DENND1A: variants seen among roughly 807,000 people sequenced by gnomAD.
The protein encoded by DENND1A is DENN domain containing 1A.
In DENND1A, 51 loss-of-function variants were observed where a neutral mutation model predicts 113.7. The ratio of observed to expected loss-of-function variants is 0.45; its 90% CI spans 0.36 to 0.57. The LOEUF (loss-of-function observed/expected upper bound fraction) is 0.57, where lower values mean the gene tolerates loss of function less well. Ranked by LOEUF, DENND1A falls within the 20% of genes least tolerant of loss-of-function variation. The probability of loss-of-function intolerance (pLI) is 0.00; values close to 1 mark genes in which losing one functional copy is unlikely to be tolerated. For missense variants in DENND1A, 1,258 were observed against 1,395.9 expected, an observed-to-expected ratio of 0.90 and a Z score of 1.57; for synonymous variants, 565 against 570.8, an observed-to-expected ratio of 0.99 and a Z score of 0.14.
At chr9:123,564,708 T>C (rs2057951145) in intron 12 of DENND1A, among the ~76,000 whole-genome samples, 1 of 152,276 alleles carries the variant, frequency 6.6e-6, no homozygotes. Context: ...CTGGTGTGAC[T>C]GAGAAGCTGA....
intron 11 of DENND1A, among the ~76,000 whole-genome samples, chr9:123,606,676 A>C (rs1042114571): frequency 2.0e-5 from 3 of 152,218 alleles, no homozygotes; most frequent in Non-Finnish European, 4.4e-5. Flanking sequence ...ATGTGCTCCC[A>C]ATTACAGCTT....
chr9:123,705,502 A>G (rs1397376688), intron 5 of DENND1A, among the ~76,000 whole-genome samples: 1 of 152,198 alleles, frequency 6.6e-6, no homozygotes, highest in East Asian at 1.9e-4. Context: ...AATATTCAGA[A>G]ATCAATTGAG....
At chr9:123,390,719 T>C (rs1351360130) in intron 21 of DENND1A, among the ~76,000 whole-genome samples, 2 of 152,198 alleles carry the variant, frequency 1.3e-5, no homozygotes, top group Non-Finnish European at 2.9e-5. Context: ...GAACAGGGAC[T>C]GCAGCCCGGA....
At chr9:123,395,779 G>A (rs1445356657) in intron 21 of DENND1A, among the ~76,000 whole-genome samples, 2 of 152,136 alleles carry the variant, frequency 1.3e-5, no homozygotes, top group Non-Finnish European at 2.9e-5. Flanking sequence ...CACACAGTAG[G>A]TGCTCTTTAC....
chr9:123,929,713 C>T (rs1384666920), intron 1 of DENND1A, among the ~76,000 whole-genome samples, 176 bp downstream of exon 1: 1 of 151,646 alleles, frequency 6.6e-6, no homozygotes, highest in Non-Finnish European at 1.5e-5. Context: ...GCGCACCCCG[C>T]CCCCGCGCCT....
At chr9:123,480,805 C>T (rs2050271470) in intron 13 of DENND1A, among the ~76,000 whole-genome samples, 1 of 152,134 alleles carries the variant, frequency 6.6e-6, no homozygotes, top group Non-Finnish European at 1.5e-5. Context: ...ACACGTGTGT[C>T]GAATGAATGA....
At chr9:123,772,786 GA>G (rs1300627881) in intron 3 of DENND1A, among the ~76,000 whole-genome samples, 1 of 152,138 alleles carries the variant, frequency 6.6e-6, no homozygotes, top group East Asian at 1.9e-4. Flanking sequence ...ATCCCAGGAG[GA>G]AACCAGTCCA....
chr9:123,663,269 A>G (rs889888586), intron 8 of DENND1A, among the ~76,000 whole-genome samples: 14 of 152,362 alleles, frequency 9.2e-5, no homozygotes, highest in Non-Finnish European at 1.6e-4. Flanking sequence ...ACCATCTACA[A>G]CACACACAGG....
At chr9:123,418,021 C>T (rs1284720914) in intron 19 of DENND1A, among the ~76,000 whole-genome samples, 1 of 152,162 alleles carries the variant, frequency 6.6e-6, no homozygotes, top group East Asian at 1.9e-4. Context: ...AAAAGAGGGC[C>T]TTGAATGTCA....
At chr9:123,723,011 T>C (rs1450110021) in intron 5 of DENND1A, among the ~76,000 whole-genome samples, 2 of 152,162 alleles carry the variant, frequency 1.3e-5, no homozygotes, top group African/African-American at 4.8e-5. Flanking sequence ...TACCAGCCCA[T>C]GAAAGCAGCC....
intron 20 of DENND1A, among the ~76,000 whole-genome samples, chr9:123,409,699 C>G (rs2131476586): frequency 6.6e-6 from 1 of 152,084 alleles, no homozygotes; most frequent in South Asian, 2.1e-4. Flanking sequence ...GATGAGGTAC[C>G]TAAGAATGAT....
At position 123,646,190 on chromosome 9, in the gene DENND1A, G is replaced by T. The variant is rs189749701; in HGVS notation, c.618+5823C>A. Among the ~76,000 whole-genome samples, 3 of 152,274 alleles carry T rather than the reference G, an allele frequency of 2.0e-5. No individual in the cohort carries two copies. In the East Asian group the frequency reaches 5.8e-4, roughly 29 times the overall value. On this transcript the variant is annotated intron_variant, in intron 9 of 23. Transcript: ENST00000394215. ...AGGCTGTGTTCTGAGAGCTATGCAA[G>T]TATTAACTCATTTTAATTTTACTTC...
chr9:123,715,656 A>G (rs2066923295), intron 5 of DENND1A, among the ~76,000 whole-genome samples: 1 of 152,100 alleles, frequency 6.6e-6, no homozygotes, highest in African/African-American at 2.4e-5. Context: ...TTAATGCTAT[A>G]GGCACTGGAT....
At chr9:123,794,879 G>T (rs1833535170) in intron 2 of DENND1A, among the ~76,000 whole-genome samples, 1 of 152,042 alleles carries the variant, frequency 6.6e-6, no homozygotes. Context: ...AGATGACCAT[G>T]GAATGCCAAG....
chr9:123,417,371 T>C (rs1329591719), intron 19 of DENND1A, among the ~76,000 whole-genome samples: 1 of 152,268 alleles, frequency 6.6e-6, no homozygotes, highest in Non-Finnish European at 1.5e-5. Flanking sequence ...TGTGTTTTCC[T>C]TTCAAAGCAT....
At chr9:123,460,533 A>G (rs1021159126) in intron 13 of DENND1A, among the ~76,000 whole-genome samples, 3 of 152,336 alleles carry the variant, frequency 2.0e-5, no homozygotes, top group African/African-American at 2.4e-5. Context: ...TCCAATTACT[A>G]TCCCATCAAG....
chr9:123,716,700 T>C (rs2066998661), intron 5 of DENND1A, among the ~76,000 whole-genome samples: 1 of 152,218 alleles, frequency 6.6e-6, no homozygotes, highest in Non-Finnish European at 1.5e-5. Flanking sequence ...GAGGTACTGC[T>C]CTGAAGAACA....
chr9:123,417,353 T>C (rs553419666), intron 19 of DENND1A, among the ~76,000 whole-genome samples: 1 of 152,356 alleles, frequency 6.6e-6, no homozygotes, highest in South Asian at 2.1e-4. Context: ...TCTCTTCTAT[T>C]TATATGATGT....
At chr9:123,593,346 C>A (rs1332798723) in intron 11 of DENND1A, among the ~76,000 whole-genome samples, 1 of 152,180 alleles carries the variant, frequency 6.6e-6, no homozygotes, top group African/African-American at 2.4e-5. Context: ...GTAAAAAATT[C>A]TCTTCTGGGT....
Sources: gnomAD v4.1 joint callset for allele counts (sites outside exome capture counted in the v4.1 genomes callset) on GRCh38, gnomAD v4.1.1 for gene constraint, MANE v1.5 for transcripts, NCBI Gene and HGNC (gene_info 2026-07-23, HGNC 2026-07-21) for gene names.